The following TENM3 variants were observed in gnomAD, a reference collection of about 807,000 sequenced individuals.
TENM3 encodes the protein teneurin-3.
Under a neutral mutation model 255.1 loss-of-function variants are expected in TENM3, and 63 were observed. That is an observed-to-expected ratio of 0.25 (90% CI 0.20 to 0.30). The LOEUF is 0.30. TENM3 is among the 10% of genes least tolerant of loss of function. The pLI is 1.00. For missense variants in TENM3, 2,929 were observed against 3,461.1 expected (o/e 0.85, Z 3.86); for synonymous variants, 1,306 against 1,322.3 (o/e 0.99, Z 0.27).
intron 1 of TENM3, among the ~76,000 whole-genome samples, chr4:182,179,847 C>T (rs1187441721): frequency 6.6e-6 from 1 of 151,934 alleles, no homozygotes; most frequent in Non-Finnish European, 1.5e-5. Flanking sequence ...TAATTTTAAA[C>T]TTTTATATTA....
the TENM3 span, among the ~76,000 whole-genome samples, chr4:181,902,675 G>T: frequency 6.6e-6 from 1 of 151,844 alleles, no homozygotes. Flanking sequence ...CACAGGAACA[G>T]AAAATCAAAC....
chr4:182,207,626 A>G (rs551894230), intron 1 of TENM3, among the ~76,000 whole-genome samples: 2 of 152,330 alleles, frequency 1.3e-5, no homozygotes, highest in South Asian at 2.1e-4. Flanking sequence ...TTTTAAAATA[A>G]CTATACAGCT....
In TENM3 at chr4:182,792,280, G is replaced by C. The variant is rs778129049; in HGVS notation, c.5608G>C (p.Val1870Leu). 4.3e-6 allele frequency: 7 copies of C among 1,613,092 alleles called. No homozygotes were observed. The African/African-American group carries it at 9.3e-5, about 22-fold the overall frequency. ...WSYTYLEKSM[V>L]LLLHSQRQYI... The stretch of plus-strand genomic sequence containing the variant: ...GTATGTTCTCTCTTTACAGTCCATG[G>C]TTCTTCTGCTTCATAGCCAGCGGCA... The change falls in exon 26 of 28, where the codon GTT becomes CTT. Residue 1870 changes from valine to leucine, a missense_variant. Val to Leu is a conservative substitution (Grantham distance 32). Transcript: ENST00000511685. The surrounding 1 kb of genome is among the most constrained non-coding windows in gnomAD (Gnocchi z 6.3).
At chr4:182,185,717 C>A (rs1753109621) in intron 1 of TENM3, among the ~76,000 whole-genome samples, 1 of 152,186 alleles carries the variant, frequency 6.6e-6, no homozygotes, top group South Asian at 2.1e-4. Context: ...CAAAACGATG[C>A]CAGCTGACTT....
Position 182,304,518 on chromosome 4 carries a change from AT to A in TENM3, c.-75-19420del, listed in dbSNP as rs958085736. Among the ~76,000 whole-genome samples the A allele has an allele frequency of 2.6e-4, 40 of 151,936 alleles. 1 individual carries two copies. The highest frequency in any genetic ancestry group is 2.4e-3 in the Admixed American group (36 of 15,222). Reference sequence around the variant, plus strand: ...TGAGCCACTGTGCCCGGCCAAGATAATTTTTTTTAATTAAAATTGGCTGTAT... The same window carrying A: ...TGAGCCACTGTGCCCGGCCAAGATAATTTTTTTAATTAAAATTGGCTGTAT... On this transcript the variant is annotated intron_variant, in intron 1 of 27. Coordinates refer to ENST00000511685, the MANE Select transcript of TENM3 (RefSeq NM_001080477.4).
the TENM3 span, among the ~76,000 whole-genome samples, chr4:181,863,417 T>C: frequency 6.6e-6 from 1 of 152,118 alleles, no homozygotes; most frequent in Non-Finnish European, 1.5e-5. Context: ...GCTCCATTGG[T>C]TTGAGGACAA....
chr4:182,681,375 C>T (rs1375581242), intron 10 of TENM3, among the ~76,000 whole-genome samples: 5 of 152,162 alleles, frequency 3.3e-5, no homozygotes, highest in East Asian at 3.9e-4. Context: ...AATTAAATCT[C>T]GTCATCTAAA....
At chr4:182,096,689 C>T in the TENM3 span, among the ~76,000 whole-genome samples, 4 of 152,100 alleles carry the variant, frequency 2.6e-5, no homozygotes, top group Non-Finnish European at 5.9e-5. Flanking sequence ...ATATAAAGAC[C>T]GCCTTTAGTC....
At chr4:181,740,953 C>G in the TENM3 span, among the ~76,000 whole-genome samples, 4 of 152,054 alleles carry the variant, frequency 2.6e-5, no homozygotes, top group Non-Finnish European at 4.4e-5. Flanking sequence ...ATCAAAATAG[C>G]TTTATTATTA....
Position 182,547,274 on chromosome 4 carries a change from A to G in TENM3, c.512-53650A>G, listed in dbSNP as rs896358980. 7.2e-5 allele frequency among the ~76,000 whole-genome samples: 11 copies of G among 152,160 alleles called. 1 individual carries two copies. The highest frequency in any genetic ancestry group is 2.7e-4 in the African/African-American group (11 of 41,430). ...TTGTTGTAAATAGAAAGTAGAGTAT[A>G]ATGTTTTATAGATTTATTTCTAAAC... On this transcript the variant is annotated intron_variant, in intron 3 of 27. Coordinates refer to ENST00000511685, the MANE Select transcript of TENM3 (RefSeq NM_001080477.4).
At chr4:182,654,174 C>T (rs1753561836) in intron 6 of TENM3, among the ~76,000 whole-genome samples, 1 of 152,070 alleles carries the variant, frequency 6.6e-6, no homozygotes, top group African/African-American at 2.4e-5. Flanking sequence ...TTTTAGTCTG[C>T]AAATAGATTA....
chr4:181,929,221 GAC>G, the TENM3 span, among the ~76,000 whole-genome samples: 1 of 152,046 alleles, frequency 6.6e-6, no homozygotes, highest in African/African-American at 2.4e-5. Context: ...CCAATTAAAA[GAC>G]ACAGACTGGC....
At chr4:182,396,946 A>G (rs1185710469) in intron 3 of TENM3, among the ~76,000 whole-genome samples, 2 of 151,996 alleles carry the variant, frequency 1.3e-5, no homozygotes, top group Non-Finnish European at 2.9e-5. Context: ...TAGGTGACAG[A>G]GCGAGACTCT....
At chr4:182,396,254 G>A (rs1330206179) in intron 3 of TENM3, among the ~76,000 whole-genome samples, 2 of 152,126 alleles carry the variant, frequency 1.3e-5, no homozygotes, top group Non-Finnish European at 2.9e-5. Context: ...TCTGGATGAG[G>A]CTGTCTAAAT....
intron 13 of TENM3, among the ~76,000 whole-genome samples, chr4:182,728,468 C>G (rs529382961): frequency 5.8e-4 from 88 of 152,172 alleles, no homozygotes; most frequent in Non-Finnish European, 9.6e-4. Flanking sequence ...CATCTCTAAT[C>G]CAAATATTTA....
At chr4:181,899,832 G>T in the TENM3 span, among the ~76,000 whole-genome samples, 21 of 152,184 alleles carry the variant, frequency 1.4e-4, no homozygotes, top group African/African-American at 5.1e-4. Context: ...TCCCAGTGTG[G>T]TGGGATTACA....
At chr4:181,516,777 CAA>C in the TENM3 span, among the ~76,000 whole-genome samples, 13 of 146,112 alleles carry the variant, frequency 8.9e-5, no homozygotes, top group East Asian at 2.0e-4. Flanking sequence ...ACTCCATCTC[CAA>C]AAAAAAAAAA....
chr4:181,759,909 G>A, the TENM3 span, among the ~76,000 whole-genome samples: 1 of 151,998 alleles, frequency 6.6e-6, no homozygotes, highest in East Asian at 1.9e-4. Context: ...TTATAGATAG[G>A]AAACTGAGGC....
the TENM3 span, among the ~76,000 whole-genome samples, chr4:181,577,471 C>G: frequency 5.3e-5 from 8 of 151,984 alleles, no homozygotes; most frequent in Non-Finnish European, 8.8e-5. Context: ...AGTTCTCTCA[C>G]TGTAAATACT....
Sources: allele counts gnomAD v4.1 joint callset (sites outside exome capture counted in the v4.1 genomes callset), GRCh38; gene constraint gnomAD v4.1.1; non-coding constraint Gnocchi (gnomAD v3.1); transcripts MANE v1.5; gene names NCBI Gene and HGNC (gene_info 2026-07-23, HGNC 2026-07-21).